Variants in ANO1 observed in about 807,000 individuals in gnomAD.
The protein encoded by ANO1 is anoctamin-1.
Under a neutral mutation model 124.0 loss-of-function variants are expected in ANO1, and 59 were observed. The ratio of observed to expected loss-of-function variants is 0.48; its 90% CI spans 0.39 to 0.59. The LOEUF is 0.59. ANO1 is among the 20% of genes least tolerant of loss of function. ANO1 has a pLI of 0.00. For missense variants in ANO1, 1,059 were observed against 1,328.0 expected (o/e 0.80, Z 3.15); for synonymous variants, 529 against 532.0 (o/e 0.99, Z 0.08).
the ANO1 span, among the ~76,000 whole-genome samples, chr11:69,967,418 T>G: frequency 6.6e-6 from 1 of 152,218 alleles, no homozygotes; most frequent in African/African-American, 2.4e-5. Context: ...CCTAGGAGGT[T>G]GGTCCGATGC....
intron 1 of ANO1, among the ~76,000 whole-genome samples, chr11:70,042,670 G>A (rs1182415700): frequency 6.6e-6 from 1 of 152,196 alleles, no homozygotes; most frequent in Non-Finnish European, 1.5e-5. Flanking sequence ...CCAGAAGATA[G>A]TAGATTCAGC....
intron 1 of ANO1, among the ~76,000 whole-genome samples, chr11:69,994,675 T>C (rs1554998095): frequency 6.6e-6 from 1 of 152,208 alleles, no homozygotes; most frequent in East Asian, 1.9e-4. Flanking sequence ...ATTTTATAAC[T>C]GGTTTGAGGT....
rs116806621 is a variant in ANO1 at position 70,090,857 on chromosome 11, G to A, written c.441+2773G>A. On this transcript the variant is annotated intron_variant, in intron 2 of 25. Transcript: ENST00000355303. ...ATCTGGCCATGTTTAAGATGAAACC[G>A]TGATTGTGGGGTAGAAACGTCCATT... 3.1e-3 allele frequency among the ~76,000 whole-genome samples: 475 copies of A among 152,294 alleles called. 2 individuals are homozygous for A. Among genetic ancestry groups the A allele is most frequent in the African/African-American group, 0.011 (447 of 41,566 alleles).
intron 2 of ANO1, among the ~76,000 whole-genome samples, chr11:70,089,990 GGTTTGTTTGTTT>G (rs72163864): frequency 2.1e-4 from 1 of 4,846 alleles, no homozygotes; most frequent in African/African-American, 2.6e-4. Flanking sequence ...TGTTCCCCAG[GGTTTGTTTGTTT>G]GTTTGTTTGT....
intron 3 of ANO1, among the ~76,000 whole-genome samples, chr11:70,103,591 C>T (rs756300487): frequency 4.3e-4 from 66 of 152,248 alleles, no homozygotes; most frequent in Middle Eastern, 3.4e-3. Context: ...TCTGTGAAAA[C>T]TTTGTATCTA....
At chr11:69,968,855 A>T in the ANO1 span, among the ~76,000 whole-genome samples, 1 of 152,210 alleles carries the variant, frequency 6.6e-6, no homozygotes, top group South Asian at 2.1e-4. Flanking sequence ...CGGACTTTGG[A>T]CCTAGCCTTC....
intron 18 of ANO1, among the ~76,000 whole-genome samples, 160 bp downstream of exon 18, chr11:70,161,893 G>A (rs746635272): frequency 1.8e-4 from 27 of 152,242 alleles, no homozygotes; most frequent in Non-Finnish European, 3.5e-4. Flanking sequence ...CCCTGCTGAG[G>A]CTCCAGAGCA....
intron 8 of ANO1, among the ~76,000 whole-genome samples, chr11:70,124,064 G>T (rs2046394055): frequency 6.6e-6 from 1 of 152,124 alleles, no homozygotes; most frequent in African/African-American, 2.4e-5. Flanking sequence ...ATAAAGAATG[G>T]TTTGGTGTCT....
intron 1 of ANO1, among the ~76,000 whole-genome samples, chr11:70,059,869 G>A (rs1287899788): frequency 6.6e-6 from 1 of 151,966 alleles, no homozygotes; most frequent in Non-Finnish European, 1.5e-5. Flanking sequence ...AAGAAGAGTA[G>A]GTGGGACTGA....
At chr11:70,117,769 A>G (rs1221950141) in intron 8 of ANO1, among the ~76,000 whole-genome samples, 1 of 152,054 alleles carries the variant, frequency 6.6e-6, no homozygotes, top group African/African-American at 2.4e-5. Flanking sequence ...CCCAATTCCC[A>G]GGGGCCAGGA....
rs376216170 is a variant in ANO1 at position 70,164,427 on chromosome 11, C to T, written c.1951-1043C>T. ...CCTCCTCCACAGTAATGGGCATCTG[C>T]GCCAAGCTTCTGAAATGCTCTTTCC... On this transcript the variant is annotated intron_variant, in intron 19 of 25. Coordinates refer to ENST00000355303, the MANE Select transcript of ANO1 (RefSeq NM_018043.7). 5.6e-4 allele frequency among the ~76,000 whole-genome samples: 85 copies of T among 152,306 alleles called. No individual in the cohort carries two copies. In the South Asian group the frequency reaches 6.8e-3, roughly 12 times the overall value.
chr11:70,180,750 G>A (rs987733604), intron 23 of ANO1, among the ~76,000 whole-genome samples: 1 of 152,044 alleles, frequency 6.6e-6, no homozygotes, highest in East Asian at 1.9e-4. Context: ...ATTCCTTATT[G>A]GCAATCTTTC....
chr11:70,084,815 T>C (rs2044311087), intron 1 of ANO1, among the ~76,000 whole-genome samples: 2 of 152,088 alleles, frequency 1.3e-5, no homozygotes, highest in Admixed American at 6.6e-5. Flanking sequence ...ATTGCTGCAC[T>C]CTCCCCATGC....
intron 2 of ANO1, among the ~76,000 whole-genome samples, chr11:70,093,797 G>A (rs891559511): frequency 6.6e-6 from 1 of 152,246 alleles, no homozygotes; most frequent in Non-Finnish European, 1.5e-5. Context: ...GGACTCCATG[G>A]GAGAAGGGCT....
chr11:70,080,216 G>A (rs1291045192), intron 1 of ANO1, among the ~76,000 whole-genome samples: 1 of 152,250 alleles, frequency 6.6e-6, no homozygotes, highest in African/African-American at 2.4e-5. Context: ...TGTGAGGTAG[G>A]TGCTATTGCT....
rs1205237751 is a variant in ANO1, at chr11:70,180,015, A to G, written c.2362A>G (p.Asn788Asp). The change falls in exon 23 of 26, where the codon AAT becomes GAT. Residue 788 changes from asparagine to aspartate, a missense_variant. Physicochemically the swap from Asn to Asp is conservative, Grantham distance 23. This residue lies in a region of ANO1 where 809 missense variants were observed against 1,094.9 expected (regional missense o/e 0.74). Transcript: ENST00000355303. ...TCTTCTTCCCCCAGGAATCTGGTAC[A>G]ATATCCTCAGAGGCATTGGGAAGCT... ...VRAKDIGIWY[N>D]ILRGIGKLAV... is the part of the protein sequence containing the mutation. The G allele has an allele frequency of 3.1e-6, 5 of 1,612,992 alleles. No homozygotes were observed. The highest frequency in any genetic ancestry group is 4.2e-6 in the Non-Finnish European group (5 of 1,179,138).
At chr11:70,062,870 G>A (rs3924197) in intron 1 of ANO1, among the ~76,000 whole-genome samples, 37,001 of 152,160 alleles carry the variant, frequency 0.24, 5,073 homozygotes, top group East Asian at 0.61. Context: ...CCTGGGGCAC[G>A]AAACTGCCAT....
chr11:70,051,347 C>T (rs1857347297), intron 1 of ANO1, among the ~76,000 whole-genome samples: 1 of 152,224 alleles, frequency 6.6e-6, no homozygotes, highest in Admixed American at 6.5e-5. Flanking sequence ...AAACACACCA[C>T]AGTTTTCCTG....
chr11:70,122,349 G>GTC (rs1290296641), intron 8 of ANO1, among the ~76,000 whole-genome samples: 1 of 87,238 alleles, frequency 1.1e-5, no homozygotes, highest in Non-Finnish European at 2.2e-5. Flanking sequence ...ATCTGCCTCT[G>GTC]TCTCTCTCTC....
Sources: allele counts gnomAD v4.1 joint callset (sites outside exome capture counted in the v4.1 genomes callset), GRCh38; gene constraint gnomAD v4.1.1; regional missense constraint gnomAD v4.1.1; transcripts MANE v1.5; gene names NCBI Gene and HGNC (gene_info 2026-07-23, HGNC 2026-07-21).